OSBPL10: variants seen among roughly 807,000 people sequenced by gnomAD.
The protein encoded by OSBPL10 is oxysterol binding protein like 10, also known as oxysterol-binding protein-related protein 10.
OSBPL10 carries 49 observed loss-of-function variants against 81.7 expected under a neutral mutation model. The observed-to-expected ratio is 0.60, with a 90% CI of 0.48 to 0.76. The LOEUF (loss-of-function observed/expected upper bound fraction) is 0.76, where lower values mean the gene tolerates loss of function less well. Ranked by LOEUF, OSBPL10 falls within the 30% of genes least tolerant of loss-of-function variation. OSBPL10 has a pLI of 0.00. For missense variants in OSBPL10, 923 were observed against 987.8 expected, an observed-to-expected ratio of 0.93 and a Z score of 0.88; for synonymous variants, 419 against 383.6, an observed-to-expected ratio of 1.09 and a Z score of -1.08.
intron 3 of OSBPL10, among the ~76,000 whole-genome samples, chr3:31,833,517 C>T (rs1559484532): frequency 6.6e-6 from 1 of 152,116 alleles, no homozygotes; most frequent in Non-Finnish European, 1.5e-5. Flanking sequence ...AAAACTTGAA[C>T]AATGAAAACC....
intron 2 of OSBPL10, chr3:31,990,151 A>G (rs13065048): frequency 0.23 from 371,772 of 1,613,194 alleles, 56,456 homozygotes; most frequent in African/African-American, 0.7. Context: ...TTCACACCTC[A>G]CACAACACAC....
chr3:31,719,352 G>T (rs556759019), intron 6 of OSBPL10, among the ~76,000 whole-genome samples: 25 of 152,066 alleles, frequency 1.6e-4, no homozygotes, highest in Non-Finnish European at 2.8e-4. Flanking sequence ...TATATTAAAA[G>T]AATTCTTAGA....
At chr3:31,865,845 G>C (rs1394735472) in intron 3 of OSBPL10, among the ~76,000 whole-genome samples, 1 of 152,098 alleles carries the variant, frequency 6.6e-6, no homozygotes. Context: ...AATAAAATTG[G>C]GTGTTGTTTT....
At chr3:32,018,870 A>C (rs1025951223) in intron 2 of OSBPL10, among the ~76,000 whole-genome samples, 8 of 152,218 alleles carry the variant, frequency 5.3e-5, no homozygotes, top group African/African-American at 1.9e-4. Context: ...AAAAGGAAGC[A>C]AAAGAACTCA....
rs1559476422 is a variant in OSBPL10, at chr3:31,812,792, AAGAAAGAAAGAAAGAAAGAAAGAAAG to A, written c.729+17222_729+17247del. Reference sequence around the variant, plus strand: ...AAAGAAAGAAAGAAAGAAAGAAAGAAAGAAAGAAAGAAAGAAAGAAAGAAAGAGAAAGAAAGAAAGAAAGAAAGAAA... The same window carrying A: ...AAAGAAAGAAAGAAAGAAAGAAAGAAAGAAAGAAAGAAAGAAAGAAAGAAA... On this transcript the variant is annotated intron_variant, in intron 4 of 11. Coordinates refer to ENST00000396556, the MANE Select transcript of OSBPL10 (RefSeq NM_017784.5). Among the ~76,000 whole-genome samples the A allele has an allele frequency of 5.5e-3, 298 of 53,960 alleles. 3 individuals are homozygous for A. The highest frequency in any genetic ancestry group is 0.011 in the Middle Eastern group (1 of 92). 35.4% of individuals were successfully genotyped at this position (53,960 alleles called of 152,430 possible). A position where few individuals can be genotyped will look rare whatever the true frequency, so the allele number is the denominator to read the frequency against.
chr3:32,069,714 T>C (rs1217335841), intron 1 of OSBPL10, among the ~76,000 whole-genome samples: 1 of 152,112 alleles, frequency 6.6e-6, no homozygotes, highest in Admixed American at 6.5e-5. Flanking sequence ...TGTACAATAA[T>C]AGAGAGGCGG....
chr3:31,945,986 CT>C (rs533808824), intron 1 of OSBPL10, among the ~76,000 whole-genome samples: 7 of 109,074 alleles, frequency 6.4e-5, no homozygotes, highest in African/African-American at 1.4e-4. Flanking sequence ...TTGGTTTATG[CT>C]TTTTTTTTTC....
chr3:31,680,196 T>A (rs1283076874), intron 8 of OSBPL10, among the ~76,000 whole-genome samples: 2 of 152,130 alleles, frequency 1.3e-5, no homozygotes, highest in Non-Finnish European at 2.9e-5. Context: ...GAAGCACACT[T>A]GAATCAAGTT....
intron 2 of OSBPL10, among the ~76,000 whole-genome samples, chr3:31,995,113 C>A (rs749045737): frequency 1.1e-4 from 16 of 152,216 alleles, no homozygotes; most frequent in Non-Finnish European, 2.1e-4. Context: ...AAAATCAGAA[C>A]TCCTGGTAAG....
upstream of OSBPL10, among the ~76,000 whole-genome samples, chr3:31,983,791 G>A (rs1374031878): frequency 2.0e-5 from 3 of 152,156 alleles, no homozygotes; most frequent in South Asian, 6.2e-4. Flanking sequence ...GTTTGGAGAG[G>A]AAAAAGTCTT....
At chr3:31,938,575 C>A (rs1005688327) in intron 1 of OSBPL10, among the ~76,000 whole-genome samples, 3 of 152,156 alleles carry the variant, frequency 2.0e-5, no homozygotes, top group African/African-American at 7.2e-5. Context: ...GTGGTGCGAT[C>A]ATGGCTCACT....
intron 1 of OSBPL10, among the ~76,000 whole-genome samples, chr3:32,055,217 T>C (rs1699699444): frequency 7.0e-6 from 1 of 142,054 alleles, no homozygotes; most frequent in African/African-American, 2.6e-5. Flanking sequence ...TTTTTTTTTT[T>C]TTTTGAGACG....
At chr3:31,734,395 A>G (rs991385468) in intron 5 of OSBPL10, among the ~76,000 whole-genome samples, 2 of 152,174 alleles carry the variant, frequency 1.3e-5, no homozygotes, top group Admixed American at 1.3e-4. Context: ...TAGAAACAGG[A>G]GTAACCAGAG....
At chr3:32,072,853 C>T (rs1699842003) in intron 1 of OSBPL10, among the ~76,000 whole-genome samples, 1 of 152,166 alleles carries the variant, frequency 6.6e-6, no homozygotes, top group Admixed American at 6.5e-5. Flanking sequence ...GCGGTCCTAT[C>T]TTCCTTTTTG....
intron 1 of OSBPL10, among the ~76,000 whole-genome samples, chr3:31,884,227 CTT>C (rs1290125111): frequency 6.6e-6 from 1 of 152,170 alleles, no homozygotes; most frequent in African/African-American, 2.4e-5. Flanking sequence ...AAACTGACAT[CTT>C]TAACTTTCTG....
chr3:32,006,219 T>C (rs1162620128), intron 2 of OSBPL10, among the ~76,000 whole-genome samples: 1 of 152,242 alleles, frequency 6.6e-6, no homozygotes, highest in Non-Finnish European at 1.5e-5. Flanking sequence ...GTGCTGGGAT[T>C]ACAGGCGTGA....
At chr3:31,883,501 T>C (rs531261802) in intron 1 of OSBPL10, among the ~76,000 whole-genome samples, 5 of 151,266 alleles carry the variant, frequency 3.3e-5, no homozygotes, top group Non-Finnish European at 7.4e-5. Flanking sequence ...CAGCCTCCCA[T>C]AGTGCTGGGA....
At chr3:31,747,796 A>G in intron 5 of OSBPL10, 114 bp downstream of exon 5, 1 of 1,106,908 alleles carries the variant, frequency 9.0e-7, no homozygotes, top group Non-Finnish European at 1.4e-6. Context: ...CTTGGATATA[A>G]GGATAGATGG....
At position 31,981,149 on chromosome 3, in the gene OSBPL10, C is replaced by T; in HGVS notation, c.31G>A (p.Gly11Ser). The T allele has an allele frequency of 1.3e-6, 2 of 1,489,944 alleles. No homozygotes were observed. The highest frequency in any genetic ancestry group is 1.8e-6 in the Non-Finnish European group (2 of 1,124,950). The allele number at this position is 1,489,944 out of a possible 1,614,324, so 92.3% of individuals were successfully genotyped here. Residue 11 changes from glycine to serine, a missense_variant, in exon 1 of 12, where the codon GGC becomes AGC. By Grantham distance (56) the Gly-to-Ser change is moderately conservative. Transcript: ENST00000396556. The surrounding 1 kb of genome is among the most constrained non-coding windows in gnomAD (Gnocchi z 4.5). The stretch of plus-strand genomic sequence containing the variant: ...CGGCTGCTGCTGTTGCTACCCCCGC[C>T]GCCGTCTGTGCCCTGGACTGCCCTC... Reference protein sequence around the residue: MERAVQGTDGGGGSNSSSRSS... With the variant: MERAVQGTDGSGGSNSSSRSS...
Sources: gnomAD v4.1 joint callset for allele counts (sites outside exome capture counted in the v4.1 genomes callset) on GRCh38, gnomAD v4.1.1 for gene constraint, Gnocchi (gnomAD v3.1) non-coding constraint, MANE v1.5 for transcripts, NCBI Gene and HGNC (gene_info 2026-07-23, HGNC 2026-07-21) for gene names.